Variants in TAF1C observed in about 807,000 individuals in gnomAD.
The protein encoded by TAF1C is TATA-box binding protein associated factor, RNA polymerase I subunit C, also known as TATA box-binding protein-associated factor RNA polymerase I subunit C.
Under a neutral mutation model 70.5 loss-of-function variants are expected in TAF1C, and 79 were observed. The observed-to-expected ratio is 1.12, with a 90% CI of 0.93 to 1.35. TAF1C has a LOEUF of 1.35. TAF1C is among the 40% of genes most tolerant of loss of function. The pLI is 0.00. For synonymous variants in TAF1C, 614 were observed against 491.1 expected, an observed-to-expected ratio of 1.25 and a Z score of -3.31; for missense variants, 1,412 against 1,127.8, an observed-to-expected ratio of 1.25 and a Z score of -3.61.
chr16:84,181,977 A>G lies in TAF1C; in HGVS notation c.803T>C (p.Val268Ala). Reference protein sequence around the residue: ...KPGRIQLQGPVRQVVTCTVQG... With the variant: ...KPGRIQLQGPARQVVTCTVQG... ...GACGGTGCATGTCACCACTTGCCGG[A>G]CAGGTCCCTGGAGCTGGATGCGTCC... Residue 268 changes from valine (V) to alanine (A), a missense_variant, in exon 8 of 15, where the codon GTC becomes GCC. Transcript: ENST00000566732. 1 of 1,613,870 alleles carries G rather than the reference A, an allele frequency of 6.2e-7. No individual in the cohort carries two copies. Among genetic ancestry groups the G allele is most frequent in the Non-Finnish European group, 8.5e-7 (1 of 1,180,016 alleles).
Position 84,178,974 on chromosome 16 carries a change from C to T in TAF1C, c.2499G>A (p.Gln833=). The change falls in exon 15 of 15, where the codon CAG becomes CAA. Residue 833 remains glutamine (Q), a synonymous_variant. Coordinates refer to ENST00000566732, the MANE Select transcript of TAF1C (RefSeq NM_001243156.2). ...CCATTCGAGGCTTCTTCCGGAGGGG[C>T]TGAGAGCTAGAGAGGACGGGTGTGT... is the stretch of plus-strand genomic sequence containing the variant. The part of the protein sequence containing the change: ...QQHTPVLSSS[Q]PLRKKPRMGF The T allele has an allele frequency of 4.3e-6, 7 of 1,610,724 alleles. No individual in the cohort carries two copies. Among genetic ancestry groups the T allele is most frequent in the Non-Finnish European group, 5.1e-6 (6 of 1,179,768 alleles).
chr16:84,183,803 C>T, intron 2 of TAF1C, 25 bp from the exon 3 acceptor site: 1 of 1,587,222 alleles, frequency 6.3e-7, no homozygotes, highest in Admixed American at 1.7e-5. Flanking sequence ...ATCGCAAGGA[C>T]AGTATCATGA....
Position 84,181,447 on chromosome 16 carries a change from T to C in TAF1C, c.1045A>G (p.Arg349Gly). The change falls in exon 11 of 15, where the codon AGG becomes GGG. Residue 349 changes from arginine (R) to glycine (G), a missense_variant. Coordinates refer to ENST00000566732, the MANE Select transcript of TAF1C (RefSeq NM_001243156.2). ...SPEDGLRQIYRDPETLVFRDS... is the reference protein window; with the variant it reads ...SPEDGLRQIYGDPETLVFRDS... The stretch of plus-strand genomic sequence containing the variant: ...CGGAACACGAGGGTCTCAGGGTCCC[T>C]GTAGATTTGCCGCAGCCTTGGGGAG... The C allele has an allele frequency of 6.2e-7, 1 of 1,613,720 alleles. No individual in the cohort carries two copies. The highest frequency in any genetic ancestry group is 8.5e-7 in the Non-Finnish European group (1 of 1,179,974).
At chr16:84,184,696 C>A (rs572891904) in intron 2 of TAF1C, among the ~76,000 whole-genome samples, 155 bp downstream of exon 2, 7 of 152,240 alleles carry the variant, frequency 4.6e-5, no homozygotes, top group African/African-American at 1.7e-4. Context: ...GCAGGGTAGC[C>A]CATGTACCCC....
intron 5 of TAF1C, 41 bp downstream of exon 5, chr16:84,183,203 A>C (rs1281133101): frequency 6.2e-7 from 1 of 1,613,520 alleles, no homozygotes; most frequent in Non-Finnish European, 8.5e-7. Context: ...CCCCTGAAGG[A>C]CAGCAGGGAG....
Position 84,182,395 on chromosome 16 carries a change from G to A in TAF1C, c.528C>T (p.Ile176=). ...YLSNRQRRFS[I]LGGPILGTSV... ...ACGTGCCCAGGATGGGGCCCCCGAGGATAGAGAAGCGGCGCTGTCGGTTGC... is the reference window on the plus strand; with the variant it reads ...ACGTGCCCAGGATGGGGCCCCCGAGAATAGAGAAGCGGCGCTGTCGGTTGC... The change falls in exon 7 of 15, where the codon ATC becomes ATT. Residue 176 remains isoleucine, a synonymous_variant. Transcript: ENST00000566732. This position sits in a 1 kb window ranked among gnomAD's most constrained non-coding sequence, Gnocchi z 5.0. The A allele has an allele frequency of 6.2e-7, 1 of 1,606,722 alleles. No homozygotes were observed. The highest frequency in any genetic ancestry group is 1.1e-5 in the South Asian group (1 of 90,388).
chr16:84,178,819 TCA>T lies in TAF1C; in HGVS notation c.*120_*121del, dbSNP rs1186569483. On this transcript the variant is annotated 3_prime_UTR_variant, in exon 15 of 15. Transcript: ENST00000566732. Reference sequence around the variant, plus strand: ...TGGCTCCAAATTGCTTGGCTCATCATCACAGTGGCCTCCAGAAGGTGGCGAGC... The same window carrying T: ...TGGCTCCAAATTGCTTGGCTCATCATCAGTGGCCTCCAGAAGGTGGCGAGC... 3.6e-6 allele frequency: 4 copies of T among 1,126,126 alleles called. No homozygotes were observed. In the African/African-American group the frequency reaches 4.7e-5, roughly 13 times the overall value. 69.8% of individuals were successfully genotyped at this position (1,126,126 alleles called of 1,614,324 possible). A position where few individuals can be genotyped will look rare whatever the true frequency, so the allele number is the denominator to read the frequency against.
chr16:84,179,590 G>C lies in TAF1C; in HGVS notation c.1883C>G (p.Thr628Arg), dbSNP rs375424179. The C allele has an allele frequency of 1.9e-6, 3 of 1,612,582 alleles. No homozygotes were observed. Among genetic ancestry groups the C allele is most frequent in the South Asian group, 1.1e-5 (1 of 91,068 alleles). ...LKVPLAPPVW[T>R]APTFTHRQML... ...CTGGCGGTGGGTGAAGGTGGGTGCT[G>C]TCCACACAGGAGGAGCCAGGGGCAC... Residue 628 changes from threonine (T) to arginine (R), a missense_variant, in exon 15 of 15, where the codon ACA (threonine) becomes AGA (arginine). By Grantham distance (71) the Thr-to-Arg change is moderately conservative. Transcript: ENST00000566732.
chr16:84,178,931 C>T lies in TAF1C; in HGVS notation c.*10G>A, dbSNP rs1206361038. 2.5e-6 allele frequency: 4 copies of T among 1,582,830 alleles called. No individual in the cohort carries two copies. The highest frequency in any genetic ancestry group is 2.7e-5 in the African/African-American group (2 of 74,350). ...CTCTCTGGGGCTTGAGGGCAGCCCA[C>T]CTTGTGTCCTCAGAAGCCCATTCGA... is the stretch of plus-strand genomic sequence containing the variant. On this transcript the variant is annotated 3_prime_UTR_variant, in exon 15 of 15. Coordinates refer to ENST00000566732, the MANE Select transcript of TAF1C (RefSeq NM_001243156.2).
In TAF1C at chr16:84,182,936, GT is replaced by G; in HGVS notation, c.482+139del. ...GAGATGATTTGGAGTTGGAAGTCTG[GT>G]ATAAGAAAGTACAGCTCAGACTGCA... On this transcript the variant is annotated intron_variant, in intron 6 of 14. Transcript: ENST00000566732. The surrounding 1 kb of genome is among the most constrained non-coding windows in gnomAD (Gnocchi z 5.0). 2 of 800,572 alleles carry G rather than the reference GT, an allele frequency of 2.5e-6. No individual in the cohort carries two copies. Among genetic ancestry groups the G allele is most frequent in the South Asian group, 1.7e-5 (1 of 60,448 alleles). The allele number at this position is 800,572 out of a possible 1,614,324, so 49.6% of individuals were successfully genotyped here.
intron 1 of TAF1C, among the ~76,000 whole-genome samples, chr16:84,186,245 C>G (rs897930218): frequency 3.9e-5 from 6 of 152,260 alleles, no homozygotes; most frequent in African/African-American, 1.4e-4. Context: ...GCATTAGAGT[C>G]TCGCTATACA....
In TAF1C at chr16:84,182,188, G is replaced by C; in HGVS notation, c.721+14C>G. 2 of 1,601,270 alleles carry C rather than the reference G, an allele frequency of 1.2e-6. No individual in the cohort carries two copies. The highest frequency in any genetic ancestry group is 2.2e-5 in the East Asian group (1 of 44,608). On this transcript the variant is annotated intron_variant, in intron 7 of 14. Transcript: ENST00000566732. This position sits in a 1 kb window ranked among gnomAD's most constrained non-coding sequence, Gnocchi z 5.0. ...CGAGCCCGCTGGAATCTCCTGTCTC[G>C]CAAGAAAGGATACGCAGCCTGTCCT...
chr16:84,185,126 A>G (rs2089413375), intron 1 of TAF1C, 66 bp from the exon 2 acceptor site: 1 of 1,096,334 alleles, frequency 9.1e-7, no homozygotes, highest in Non-Finnish European at 1.3e-6. Flanking sequence ...CAAAAAACAA[A>G]TATGTAGCCC....
In TAF1C at chr16:84,181,724, C is replaced by G. The variant is rs143466688; in HGVS notation, c.956+22G>C. Reference sequence around the variant, plus strand: ...AGCCCTGCCTCCAGCCCCTCCTCACCGACCAACCTGACCCCCCTCACCTGA... The same window carrying G: ...AGCCCTGCCTCCAGCCCCTCCTCACGGACCAACCTGACCCCCCTCACCTGA... On this transcript the variant is annotated intron_variant, in intron 9 of 14. Transcript: ENST00000566732. 2.2e-5 allele frequency: 35 copies of G among 1,613,784 alleles called. No homozygotes were observed. The African/African-American group carries it at 4.1e-4, about 19-fold the overall frequency.
intron 1 of TAF1C, among the ~76,000 whole-genome samples, chr16:84,185,760 C>T (rs1387657851): frequency 6.6e-6 from 1 of 152,130 alleles, no homozygotes; most frequent in Non-Finnish European, 1.5e-5. Context: ...ATTAGCCGGG[C>T]GTGGTGACGC....
Position 84,179,159 on chromosome 16 carries a change from A to G in TAF1C, c.2314T>C (p.Leu772=), listed in dbSNP as rs750949459. 17 of 1,604,202 alleles carry G rather than the reference A, an allele frequency of 1.1e-5. No homozygotes were observed. Among genetic ancestry groups the G allele is most frequent in the East Asian group, 2.2e-5 (1 of 44,770 alleles). ...LPPTTPPSQE[L]TPDACAQGVP... ...CCCTGGGCGCATGCATCCGGAGTCAACTCCTGGGAGGGCGGGGTCGTGGGG... is the reference window on the plus strand; with the variant it reads ...CCCTGGGCGCATGCATCCGGAGTCAGCTCCTGGGAGGGCGGGGTCGTGGGG... Residue 772 remains leucine, a synonymous_variant, in exon 15 of 15, where the codon TTG becomes CTG. Coordinates refer to ENST00000566732, the MANE Select transcript of TAF1C (RefSeq NM_001243156.2).
Position 84,179,183 on chromosome 16 carries a change from G to T in TAF1C, c.2290C>A (p.Pro764Thr). The T allele has an allele frequency of 6.3e-7, 1 of 1,591,518 alleles. No homozygotes were observed. The highest frequency in any genetic ancestry group is 8.5e-7 in the Non-Finnish European group (1 of 1,174,616). The change falls in exon 15 of 15, where the codon CCC becomes ACC. Residue 764 changes from proline to threonine, a missense_variant. By Grantham distance (38) the Pro-to-Thr change is conservative. Coordinates refer to ENST00000566732, the MANE Select transcript of TAF1C (RefSeq NM_001243156.2). Reference sequence around the variant, plus strand: ...AACTCCTGGGAGGGCGGGGTCGTGGGGGGCAGGGGCAGAGCATCAGCAGGT... The same window carrying T: ...AACTCCTGGGAGGGCGGGGTCGTGGTGGGCAGGGGCAGAGCATCAGCAGGT... ...WPPADALPLP[P>T]TTPPSQELTP...
Position 84,178,537 on chromosome 16 carries a change from C to T in TAF1C, c.*404G>A. On this transcript the variant is annotated 3_prime_UTR_variant, in exon 15 of 15. Transcript: ENST00000566732. Reference sequence around the variant, plus strand: ...CTCATCAGCAGCTCTGCAGGGGCCTCACTCCACCCTCACCAAACACGAGGA... The same window carrying T: ...CTCATCAGCAGCTCTGCAGGGGCCTTACTCCACCCTCACCAAACACGAGGA... 1 of 453,480 alleles carries T rather than the reference C, an allele frequency of 2.2e-6. No homozygotes were observed. Among genetic ancestry groups the T allele is most frequent in the Non-Finnish European group, 4.4e-6 (1 of 227,452 alleles). 28.1% of individuals were successfully genotyped at this position (453,480 alleles called of 1,614,324 possible). A position where few individuals can be genotyped will look rare whatever the true frequency, so the allele number is the denominator to read the frequency against.
rs1567595889 is a variant in TAF1C, at chr16:84,182,838, G to A, written c.482+238C>T. The stretch of plus-strand genomic sequence containing the variant: ...GGACGAGACAGGAAAGAGAGACACA[G>A]CTCTATGAACATTATTTGAACACCT... On this transcript the variant is annotated intron_variant, in intron 6 of 14. Coordinates refer to ENST00000566732, the MANE Select transcript of TAF1C (RefSeq NM_001243156.2). The surrounding 1 kb of genome is among the most constrained non-coding windows in gnomAD (Gnocchi z 5.0). 1.3e-5 allele frequency among the ~76,000 whole-genome samples: 2 copies of A among 152,204 alleles called. No individual in the cohort carries two copies. Among genetic ancestry groups the A allele is most frequent in the Admixed American group, 6.5e-5 (1 of 15,286 alleles).
Sources: gnomAD v4.1 joint callset for allele counts (sites outside exome capture counted in the v4.1 genomes callset) on GRCh38, gnomAD v4.1.1 for gene constraint, Gnocchi (gnomAD v3.1) non-coding constraint, MANE v1.5 for transcripts, NCBI Gene and HGNC (gene_info 2026-07-23, HGNC 2026-07-21) for gene names.